Variants in PAK6 observed in about 807,000 individuals in gnomAD.
PAK6 encodes serine/threonine-protein kinase PAK 6.
In PAK6, 33 loss-of-function variants were observed where a neutral mutation model predicts 60.8. The observed-to-expected ratio is 0.54, with a 90% CI of 0.41 to 0.73. PAK6 has a LOEUF of 0.73. Among genes scored for constraint, PAK6 ranks in the 30% least tolerant of loss-of-function variants. The pLI is 0.00. For synonymous variants in PAK6, 404 were observed against 378.5 expected (o/e 1.07, Z -0.78); for missense variants, 845 against 904.1 (o/e 0.93, Z 0.84).
intron 2 of PAK6, chr15:40,252,122 G>A (rs2038686209): frequency 2.4e-6 from 1 of 423,392 alleles, no homozygotes; most frequent in Non-Finnish European, 4.0e-6. Context: ...CTGTCCACAT[G>A]GGACAGATCA....
intron 5 of PAK6, among the ~76,000 whole-genome samples, chr15:40,267,201 TA>T (rs58542394): frequency 0.13 from 20,352 of 151,660 alleles, 1,445 homozygotes; most frequent in African/African-American, 0.17. Context: ...GTGGCATGGG[TA>T]ATGGAGCCTC....
intron 2 of PAK6, chr15:40,246,431 G>A (rs1480586724): frequency 1.3e-5 from 2 of 152,250 alleles, no homozygotes; most frequent in African/African-American, 2.4e-5. Context: ...GGATCTTGCT[G>A]ATGATGTGTC....
At chr15:40,273,991 G>A in intron 9 of PAK6, 151 bp from the exon 10 acceptor site, 1 of 888,642 alleles carries the variant, frequency 1.1e-6, no homozygotes, top group African/African-American at 1.6e-5. Flanking sequence ...GCAGTAACTG[G>A]CCACAGGGCA....
intron 2 of PAK6, among the ~76,000 whole-genome samples, chr15:40,241,591 G>A (rs761496470): frequency 3.3e-5 from 5 of 152,198 alleles, no homozygotes; most frequent in Non-Finnish European, 2.9e-5. Flanking sequence ...CCTGGTCAGG[G>A]AAGGGTCGGC....
At chr15:40,267,588 G>A (rs1376004418) in intron 5 of PAK6, among the ~76,000 whole-genome samples, 1 of 152,224 alleles carries the variant, frequency 6.6e-6, no homozygotes, top group Non-Finnish European at 1.5e-5. Context: ...GAACCCGGGA[G>A]GCAGAGCTTG....
chr15:40,274,489 C>T (rs959009093), intron 10 of PAK6, among the ~76,000 whole-genome samples: 1 of 152,262 alleles, frequency 6.6e-6, no homozygotes, highest in Non-Finnish European at 1.5e-5. Context: ...TCGCCTCCCA[C>T]GGCTGTGGCA....
intron 2 of PAK6, among the ~76,000 whole-genome samples, chr15:40,247,921 C>G (rs972495966): frequency 2.0e-5 from 3 of 152,184 alleles, no homozygotes; most frequent in Non-Finnish European, 4.4e-5. Flanking sequence ...GAGCTTTCTC[C>G]TTGGTCCCTT....
chr15:40,271,596 C>T lies in PAK6; in HGVS notation c.859-628C>T, dbSNP rs144285472. Among the ~76,000 whole-genome samples, 1,147 of 152,322 alleles carry T rather than the reference C, an allele frequency of 7.5e-3. 12 individuals are homozygous for T. Among genetic ancestry groups the T allele is most frequent in the African/African-American group, 0.026 (1,098 of 41,578 alleles). ...CCAGGGGAGACACCTGAGAACCCCC[C>T]AGATGGTGACACACCTCTGTGGTCC... On this transcript the variant is annotated intron_variant, in intron 5 of 10. Coordinates refer to ENST00000560346, the Ensembl canonical transcript of PAK6.
chr15:40,257,961 G>T (rs2038884037), intron 3 of PAK6, among the ~76,000 whole-genome samples: 2 of 152,192 alleles, frequency 1.3e-5, no homozygotes, highest in South Asian at 4.1e-4. Flanking sequence ...CTGGCTTCAG[G>T]CTGAGCCCCT....
chr15:40,261,177 C>T (rs900092796), intron 3 of PAK6, among the ~76,000 whole-genome samples: 16 of 151,654 alleles, frequency 1.1e-4, no homozygotes, highest in East Asian at 9.7e-4. Context: ...CGTGAGCCAC[C>T]GCGCCTGGCC....
exon 6 of PAK6, chr15:40,272,664 G>A (rs1409322654): frequency 1.2e-6 from 2 of 1,605,074 alleles, no homozygotes; most frequent in African/African-American, 2.7e-5. Context: ...GCCGCCAGGT[G>A]GCCGTCAAGA....
intron 5 of PAK6, 99 bp from the exon 6 acceptor site, chr15:40,272,125 G>A (rs1369576795): frequency 2.2e-6 from 3 of 1,351,528 alleles, no homozygotes; most frequent in East Asian, 4.6e-5. Context: ...GCCTGACCCT[G>A]CCAGAGTCCA....
exon 11 of PAK6, chr15:40,276,508 C>T (rs2039458536): frequency 6.0e-6 from 1 of 166,578 alleles, no homozygotes; most frequent in South Asian, 1.8e-4. Flanking sequence ...GCTCCAGCTT[C>T]AAACCTCGAG....
At chr15:40,251,412 G>A (rs952524761) in intron 2 of PAK6, 13 of 152,156 alleles carry the variant, frequency 8.5e-5, no homozygotes, top group African/African-American at 3.1e-4. Flanking sequence ...TTAGGTGGGC[G>A]CCTTAGAGTA....
At chr15:40,260,799 T>C (rs745867485) in intron 3 of PAK6, among the ~76,000 whole-genome samples, 1 of 152,252 alleles carries the variant, frequency 6.6e-6, no homozygotes, top group African/African-American at 2.4e-5. Flanking sequence ...TAATAATGTT[T>C]TGTATTTTCC....
intron 2 of PAK6, among the ~76,000 whole-genome samples, chr15:40,242,834 C>T (rs1311685430): frequency 6.6e-6 from 1 of 152,180 alleles, no homozygotes; most frequent in Admixed American, 6.5e-5. Flanking sequence ...CAGGCAGCAC[C>T]TTGTTCTGGC....
In PAK6 at chr15:40,240,598, G is replaced by A. The variant is rs1368700010; in HGVS notation, c.-200-1G>A. On this transcript the variant is annotated splice_acceptor_variant, in intron 1 of 10. Coordinates refer to ENST00000560346, the Ensembl canonical transcript of PAK6. LOFTEE classifies it low-confidence loss of function (5UTR_SPLICE). Reference sequence around the variant, plus strand: ...TTTTTTTTTTTCTATTTTGCCTGAAGGGAGTGCCGCTTCCTGGGCTAGAGA... The same window carrying A: ...TTTTTTTTTTTCTATTTTGCCTGAAAGGAGTGCCGCTTCCTGGGCTAGAGA... The A allele has an allele frequency of 4.9e-6, 2 of 405,730 alleles. No homozygotes were observed. The highest frequency in any genetic ancestry group is 4.7e-6 in the Non-Finnish European group (1 of 212,286). 25.1% of individuals were successfully genotyped at this position (405,730 alleles called of 1,614,324 possible). A position where few individuals can be genotyped will look rare whatever the true frequency, so the allele number is the denominator to read the frequency against.
chr15:40,272,259 C>A, exon 6 of PAK6: 6 of 1,611,458 alleles, frequency 3.7e-6, no homozygotes, highest in Non-Finnish European at 5.1e-6. Flanking sequence ...AGAAAGACAA[C>A]CCCCCAAGCC....
At chr15:40,257,831 G>A (rs2038879709) in intron 3 of PAK6, among the ~76,000 whole-genome samples, 1 of 152,096 alleles carries the variant, frequency 6.6e-6, no homozygotes, top group Non-Finnish European at 1.5e-5. Context: ...TTTCTCATCT[G>A]TGGACACTAG....
Sources: gnomAD v4.1 joint callset for allele counts (sites outside exome capture counted in the v4.1 genomes callset) on GRCh38, gnomAD v4.1.1 for gene constraint, MANE v1.5 for transcripts, NCBI Gene and HGNC (gene_info 2026-07-23, HGNC 2026-07-21) for gene names.